Variants in KCNC2 observed in about 807,000 individuals in gnomAD.
The protein encoded by KCNC2 is potassium voltage-gated channel subfamily C member 2.
A neutral mutation model predicts 44.5 loss-of-function variants in KCNC2; 21 were observed. The observed-to-expected ratio is 0.47, with a 90% confidence interval of 0.33 to 0.68. The LOEUF is 0.68. Among genes scored for constraint, KCNC2 ranks in the 30% least tolerant of loss-of-function variants. The pLI is 0.01. For synonymous variants in KCNC2, 391 were observed against 339.1 expected, an observed-to-expected ratio of 1.15 and a Z score of -1.68; for missense variants, 589 against 826.2, an observed-to-expected ratio of 0.71 and a Z score of 3.52.
chr12:75,144,855 A>G (rs1437247353), intron 2 of KCNC2, among the ~76,000 whole-genome samples: 2 of 152,086 alleles, frequency 1.3e-5, no homozygotes, highest in African/African-American at 4.8e-5. Flanking sequence ...TATCACCAAG[A>G]CTCAGGAAGT....
chr12:75,194,781 T>G (rs1345940065), intron 2 of KCNC2, among the ~76,000 whole-genome samples: 2 of 152,156 alleles, frequency 1.3e-5, no homozygotes, highest in African/African-American at 4.8e-5. Context: ...GTAACAAGAT[T>G]CTGAAGAACC....
In KCNC2 at chr12:75,074,231, GAT is replaced by G. The variant is rs1491470963; in HGVS notation, c.688-22916_688-22915del. Among the ~76,000 whole-genome samples, 7 of 114,618 alleles carry G rather than the reference GAT, an allele frequency of 6.1e-5. 1 individual carries two copies. In the Admixed American group the frequency reaches 7.3e-4, roughly 12 times the overall value. 75.2% of individuals were successfully genotyped at this position (114,618 alleles called of 152,430 possible). On this transcript the variant is annotated intron_variant, in intron 2 of 4. Coordinates refer to ENST00000549446, the MANE Select transcript of KCNC2 (RefSeq NM_139137.4). ...GAAAGAAGATCTAAGACTACTCATA[GAT>G]TTTTTTTTTTTTTTTTTTTTTTGGC...
chr12:75,191,559 TTG>T lies in KCNC2; in HGVS notation c.687+15736_687+15737del, dbSNP rs1219635117. ...TTTTTTTTTTTTTTTTTTTTTTTTT[TTG>T]GAGACGGAGTCTCGCTCTGTCGCCC... On this transcript the variant is annotated intron_variant, in intron 2 of 4. Coordinates refer to ENST00000549446, the MANE Select transcript of KCNC2 (RefSeq NM_139137.4). Among the ~76,000 whole-genome samples the T allele has an allele frequency of 8.3e-3, 418 of 50,300 alleles. 27 individuals are homozygous for T. The highest frequency in any genetic ancestry group is 0.015 in the African/African-American group (127 of 8,756). 33.0% of individuals were successfully genotyped at this position (50,300 alleles called of 152,430 possible).
chr12:75,118,371 T>C (rs2137274374), intron 2 of KCNC2, among the ~76,000 whole-genome samples: 1 of 152,068 alleles, frequency 6.6e-6, no homozygotes, highest in South Asian at 2.1e-4. Flanking sequence ...TTAAATAACT[T>C]CAGATATTAC....
intron 2 of KCNC2, among the ~76,000 whole-genome samples, chr12:75,174,644 C>T (rs1892060288): frequency 6.6e-6 from 1 of 151,866 alleles, no homozygotes; most frequent in Non-Finnish European, 1.5e-5. Flanking sequence ...CCAGGCTTTA[C>T]TTGGAGTTCA....
intron 3 of KCNC2, among the ~76,000 whole-genome samples, chr12:75,048,630 A>G (rs1441825862): frequency 1.3e-5 from 2 of 152,122 alleles, no homozygotes; most frequent in African/African-American, 2.4e-5. Flanking sequence ...CATGTGGATT[A>G]TTGTCTTACA....
intron 2 of KCNC2, among the ~76,000 whole-genome samples, chr12:75,086,589 G>A (rs1401258044): frequency 6.7e-6 from 1 of 149,888 alleles, no homozygotes; most frequent in Non-Finnish European, 1.5e-5. Context: ...CCAGGCTTCA[G>A]GGATAAGAGA....
chr12:75,125,160 A>G (rs899859386), intron 2 of KCNC2, among the ~76,000 whole-genome samples: 7 of 152,320 alleles, frequency 4.6e-5, no homozygotes, highest in African/African-American at 1.7e-4. Flanking sequence ...CAGGCAAAGA[A>G]CATCAAATAG....
intron 2 of KCNC2, among the ~76,000 whole-genome samples, chr12:75,139,972 C>G (rs1179750280): frequency 1.3e-5 from 2 of 152,144 alleles, no homozygotes; most frequent in African/African-American, 4.8e-5. Flanking sequence ...ATGTCAGTTA[C>G]TTATTGCTGC....
rs745827163 is a variant in KCNC2 at position 75,050,436 on chromosome 12, G to A, written c.1569C>T (p.Asp523=). Residue 523 remains aspartate, a synonymous_variant, in exon 3 of 5, where the codon GAC becomes GAT. Coordinates refer to ENST00000549446, the MANE Select transcript of KCNC2 (RefSeq NM_139137.4). ...GTCGATTGTCTTTGCCCAGACATGTGTCACTCTGTGTACTATTGCAGGCCA... is the reference window on the plus strand; with the variant it reads ...GTCGATTGTCTTTGCCCAGACATGTATCACTCTGTGTACTATTGCAGGCCA... ...LNMACNSTQS[D]TCLGKDNRLL... 44 of 1,613,286 alleles carry A rather than the reference G, an allele frequency of 2.7e-5. No homozygotes were observed. In the African/African-American group the frequency reaches 5.7e-4, roughly 21 times the overall value.
At chr12:75,061,723 T>C (rs964920524) in intron 2 of KCNC2, among the ~76,000 whole-genome samples, 1 of 152,056 alleles carries the variant, frequency 6.6e-6, no homozygotes, top group Non-Finnish European at 1.5e-5. Context: ...TAACGTCAAA[T>C]ATTCCTGAAT....
intron 2 of KCNC2, among the ~76,000 whole-genome samples, chr12:75,102,423 T>C (rs1940339542): frequency 6.6e-6 from 1 of 152,014 alleles, no homozygotes. Flanking sequence ...GTTACATACC[T>C]CTATTTTTGG....
chr12:75,118,661 A>G (rs1056846129), intron 2 of KCNC2, among the ~76,000 whole-genome samples: 1 of 152,170 alleles, frequency 6.6e-6, no homozygotes, highest in Non-Finnish European at 1.5e-5. Context: ...GGTAAAGAAA[A>G]CAGATTTTAT....
chr12:75,138,574 A>C (rs1889394889), intron 2 of KCNC2, among the ~76,000 whole-genome samples: 1 of 152,206 alleles, frequency 6.6e-6, no homozygotes, highest in Non-Finnish European at 1.5e-5. Flanking sequence ...TGTACACTAA[A>C]GTTTGAGAAC....
intron 2 of KCNC2, among the ~76,000 whole-genome samples, chr12:75,184,920 T>A (rs1290251957): frequency 6.6e-6 from 1 of 152,194 alleles, no homozygotes. Context: ...GGGATAAGCA[T>A]GATTGTGACA....
intron 2 of KCNC2, among the ~76,000 whole-genome samples, chr12:75,119,695 A>G (rs1250698826): frequency 3.3e-5 from 5 of 152,192 alleles, no homozygotes; most frequent in African/African-American, 1.2e-4. Context: ...TGTTCTGTGC[A>G]CCAACTCTGC....
At chr12:75,096,442 A>G (rs1462039455) in intron 2 of KCNC2, among the ~76,000 whole-genome samples, 1 of 152,042 alleles carries the variant, frequency 6.6e-6, no homozygotes, top group Non-Finnish European at 1.5e-5. Context: ...CATTTTTAAA[A>G]AATACTCTTC....
chr12:75,043,292 C>A (rs530160260), intron 4 of KCNC2, 51 bp from the exon 5 acceptor site: 1 of 1,605,774 alleles, frequency 6.2e-7, no homozygotes, highest in South Asian at 1.1e-5. Context: ...AGAATATAGA[C>A]AGACAAATAA....
chr12:75,124,007 C>G (rs1888222503), intron 2 of KCNC2: 1 of 152,172 alleles, frequency 6.6e-6, no homozygotes, highest in Non-Finnish European at 1.5e-5. Flanking sequence ...TAAAAAAACT[C>G]ACCACATTTC....
Sources: allele counts gnomAD v4.1 joint callset (sites outside exome capture counted in the v4.1 genomes callset), GRCh38; gene constraint gnomAD v4.1.1; transcripts MANE v1.5; gene names NCBI Gene and HGNC (gene_info 2026-07-23, HGNC 2026-07-21).